Variants in GRM7 observed in about 807,000 individuals in gnomAD.
The protein encoded by GRM7 is metabotropic glutamate receptor 7.
Under a neutral mutation model 84.5 loss-of-function variants are expected in GRM7, and 35 were observed. The observed-to-expected ratio is 0.41, with a 90% CI of 0.32 to 0.55. The LOEUF is 0.55. Ranked by LOEUF, GRM7 falls within the 20% of genes least tolerant of loss-of-function variation. The pLI is 0.19. For synonymous variants in GRM7, 487 were observed against 455.1 expected (o/e 1.07, Z -0.89); for missense variants, 1,003 against 1,194.6 (o/e 0.84, Z 2.36).
At chr3:7,487,129 C>T (rs538703490) in intron 7 of GRM7, among the ~76,000 whole-genome samples, 7 of 152,140 alleles carry the variant, frequency 4.6e-5, no homozygotes, top group South Asian at 4.2e-4. Flanking sequence ...GAAGGCAGAA[C>T]GTAAGAGTGA....
chr3:6,987,364 A>C (rs1694453529), intron 1 of GRM7, among the ~76,000 whole-genome samples: 1 of 151,892 alleles, frequency 6.6e-6, no homozygotes, highest in Non-Finnish European at 1.5e-5. Context: ...CAAGTAGTAA[A>C]TTAGACAGAT....
intron 1 of GRM7, among the ~76,000 whole-genome samples, chr3:7,044,635 C>A (rs899845929): frequency 1.3e-5 from 2 of 152,278 alleles, no homozygotes; most frequent in African/African-American, 4.8e-5. Flanking sequence ...AAAAGACTTA[C>A]AACTTAGCCC....
At chr3:7,066,204 C>A (rs1252710537) in intron 1 of GRM7, among the ~76,000 whole-genome samples, 2 of 151,508 alleles carry the variant, frequency 1.3e-5, no homozygotes, top group African/African-American at 4.8e-5. Flanking sequence ...TGGAAAAAAA[C>A]AAACAAAATT....
At chr3:7,252,845 C>T (rs1394008968) in intron 2 of GRM7, among the ~76,000 whole-genome samples, 2 of 150,994 alleles carry the variant, frequency 1.3e-5, no homozygotes, top group African/African-American at 4.9e-5. Flanking sequence ...CCCGCCACCA[C>T]ACCCAGCTAA....
intron 2 of GRM7, among the ~76,000 whole-genome samples, chr3:7,237,025 C>G (rs951995456): frequency 2.6e-5 from 4 of 152,120 alleles, no homozygotes; most frequent in Non-Finnish European, 4.4e-5. Flanking sequence ...TCTGTATATA[C>G]AGCCCGGTCA....
chr3:7,115,576 T>A (rs372360299), intron 1 of GRM7, among the ~76,000 whole-genome samples: 5 of 152,290 alleles, frequency 3.3e-5, no homozygotes, highest in South Asian at 4.1e-4. Context: ...ACTCCATCTC[T>A]GCTTTCTAAA....
At chr3:7,275,900 C>T (rs1699034688) in intron 2 of GRM7, among the ~76,000 whole-genome samples, 1 of 152,112 alleles carries the variant, frequency 6.6e-6, no homozygotes. Flanking sequence ...TTTATCCACA[C>T]TGACCCTCCA....
At chr3:7,260,580 G>C (rs899511718) in intron 2 of GRM7, among the ~76,000 whole-genome samples, 5 of 151,454 alleles carry the variant, frequency 3.3e-5, no homozygotes, top group Admixed American at 3.3e-4. Flanking sequence ...TGTTTATTTA[G>C]ATCTTTCCTG....
intron 1 of GRM7, among the ~76,000 whole-genome samples, chr3:6,891,206 T>G (rs1292508966): frequency 3.3e-5 from 5 of 152,178 alleles, no homozygotes; most frequent in South Asian, 4.1e-4. Flanking sequence ...TCTGTGTCTT[T>G]TAATTGGAGC....
intron 1 of GRM7, among the ~76,000 whole-genome samples, chr3:6,950,676 G>A (rs544192775): frequency 3.3e-5 from 5 of 152,204 alleles, no homozygotes; most frequent in African/African-American, 1.2e-4. Flanking sequence ...GAGGCAGGCA[G>A]GCCTCCTTGA....
intron 7 of GRM7, among the ~76,000 whole-genome samples, chr3:7,465,312 A>C (rs370382499): frequency 1.3e-5 from 2 of 152,158 alleles, no homozygotes; most frequent in East Asian, 3.9e-4. Flanking sequence ...GGGGGAAAAG[A>C]GGCTGGGTTT....
intron 2 of GRM7, among the ~76,000 whole-genome samples, chr3:7,173,087 A>G (rs1187436775): frequency 1.3e-5 from 2 of 152,204 alleles, no homozygotes; most frequent in African/African-American, 4.8e-5. Flanking sequence ...ACGCCGAGGT[A>G]CAGGGACTTG....
chr3:7,621,816 C>T (rs565725284), intron 8 of GRM7, among the ~76,000 whole-genome samples: 1 of 152,170 alleles, frequency 6.6e-6, no homozygotes, highest in South Asian at 2.1e-4. Flanking sequence ...AAAAAGCTGA[C>T]ACAGGCATAA....
chr3:7,549,591 A>T (rs1376657135), intron 7 of GRM7, among the ~76,000 whole-genome samples: 2 of 152,156 alleles, frequency 1.3e-5, no homozygotes, highest in Non-Finnish European at 2.9e-5. Context: ...TTTTCCCAAA[A>T]GTTACCTAGA....
chr3:7,614,429 A>G (rs1696989250), intron 8 of GRM7, among the ~76,000 whole-genome samples: 1 of 152,168 alleles, frequency 6.6e-6, no homozygotes, highest in African/African-American at 2.4e-5. Context: ...AGAATCTTCA[A>G]TCTTGGCCCA....
chr3:7,594,313 A>T (rs1422596894), intron 8 of GRM7, among the ~76,000 whole-genome samples: 2 of 152,066 alleles, frequency 1.3e-5, no homozygotes. Context: ...TGCAGATTGT[A>T]TTTTGCATAG....
intron 6 of GRM7, among the ~76,000 whole-genome samples, chr3:7,461,235 A>C (rs1296258924): frequency 6.6e-6 from 1 of 152,206 alleles, no homozygotes; most frequent in Non-Finnish European, 1.5e-5. Context: ...AGTTAAAAGC[A>C]TCATCATCAG....
At chr3:7,535,463 A>G (rs2125009825) in intron 7 of GRM7, among the ~76,000 whole-genome samples, 1 of 152,330 alleles carries the variant, frequency 6.6e-6, no homozygotes, top group South Asian at 2.1e-4. Context: ...GGTGTGGAGA[A>G]GGCTTAGAAA....
intron 8 of GRM7, among the ~76,000 whole-genome samples, chr3:7,665,199 TCTCA>T (rs1699638212): frequency 7.4e-6 from 1 of 135,158 alleles, no homozygotes; most frequent in South Asian, 2.3e-4. Context: ...TGAGACGGAG[TCTCA>T]CTCTGTGGCC....
Sources: gnomAD v4.1 joint callset for allele counts (sites outside exome capture counted in the v4.1 genomes callset) on GRCh38, gnomAD v4.1.1 for gene constraint, MANE v1.5 for transcripts, NCBI Gene and HGNC (gene_info 2026-07-23, HGNC 2026-07-21) for gene names.